The following CHN1 variants were observed in gnomAD, a reference collection of about 807,000 sequenced individuals.
The protein encoded by CHN1 is N-chimaerin.
In CHN1, 37 loss-of-function variants were observed where a neutral mutation model predicts 59.5. The ratio of observed to expected loss-of-function variants is 0.62; its 90% CI spans 0.48 to 0.82. The LOEUF is 0.82. Among genes scored for constraint, CHN1 ranks in the 40% least tolerant of loss-of-function variants. CHN1 has a pLI of 0.00. For synonymous variants in CHN1, 206 were observed against 200.4 expected (o/e 1.03, Z -0.24); for missense variants, 469 against 571.0 (o/e 0.82, Z 1.82).
At position 174,944,955 on chromosome 2, in the gene CHN1, T is replaced by C. The variant is rs757416366; in HGVS notation, c.59-12A>G. On this transcript the variant is annotated splice_polypyrimidine_tract_variant and intron_variant, in intron 2 of 12. Coordinates refer to ENST00000409900, the MANE Select transcript of CHN1 (RefSeq NM_001822.7). ...TTGTAGCTGATATACTGTGAGAAGG[T>C]AGAAACAAAAAGTGTCAATGTCCCT... is the stretch of plus-strand genomic sequence containing the variant. The C allele has an allele frequency of 9.6e-6, 15 of 1,560,744 alleles. No homozygotes were observed. Among genetic ancestry groups the C allele is most frequent in the Non-Finnish European group, 4.3e-6 (5 of 1,150,048 alleles).
intron 5 of CHN1, among the ~76,000 whole-genome samples, chr2:174,910,764 G>T (rs1688672722): frequency 6.6e-6 from 1 of 151,996 alleles, no homozygotes; most frequent in African/African-American, 2.4e-5. Flanking sequence ...GCCGGGCGCA[G>T]TGGCGGGCGC....
chr2:174,974,878 A>C (rs1690870604), intron 1 of CHN1, among the ~76,000 whole-genome samples: 1 of 146,912 alleles, frequency 6.8e-6, no homozygotes, highest in East Asian at 2.0e-4. Context: ...TTCTGCAAAC[A>C]GGCCATAAGA....
At chr2:174,829,998 C>T (rs559602088) in intron 7 of CHN1, among the ~76,000 whole-genome samples, 16 of 152,070 alleles carry the variant, frequency 1.1e-4, no homozygotes, top group African/African-American at 1.7e-4. Flanking sequence ...CTAATTTGGC[C>T]GGGCGCGGTG....
chr2:174,910,345 T>C (rs1044388696), intron 5 of CHN1, among the ~76,000 whole-genome samples: 1 of 152,174 alleles, frequency 6.6e-6, no homozygotes, highest in Non-Finnish European at 1.5e-5. Flanking sequence ...AGTTAATGCA[T>C]AACTTTAGTC....
chr2:174,837,548 GC>G, intron 7 of CHN1, among the ~76,000 whole-genome samples: 1 of 152,144 alleles, frequency 6.6e-6, no homozygotes. Context: ...TTCTATTTTT[GC>G]TCCCCAAAGA....
chr2:174,977,849 CACTAAAGTTGATATATA>C (rs1690997450), intron 1 of CHN1, among the ~76,000 whole-genome samples: 1 of 152,100 alleles, frequency 6.6e-6, no homozygotes, highest in Non-Finnish European at 1.5e-5. Context: ...AACATTAGTT[CACTAAAGTTGATATATA>C]ACCCCCCATT....
chr2:174,947,594 T>C (rs189800510), intron 2 of CHN1, among the ~76,000 whole-genome samples: 2 of 151,492 alleles, frequency 1.3e-5, no homozygotes, highest in East Asian at 3.9e-4. Context: ...AAGCAAGCCT[T>C]ATGCCGCAGA....
chr2:174,938,646 T>C (rs965393882), intron 3 of CHN1, among the ~76,000 whole-genome samples: 16 of 152,304 alleles, frequency 1.1e-4, no homozygotes, highest in African/African-American at 3.8e-4. Context: ...ATTTATTGTA[T>C]GCACACATAT....
chr2:174,954,981 T>A (rs1037144425), intron 1 of CHN1, among the ~76,000 whole-genome samples: 1 of 151,800 alleles, frequency 6.6e-6, no homozygotes. Context: ...AAAAAGACAC[T>A]TGCACACGCA....
chr2:174,926,980 G>A (rs941066041), intron 3 of CHN1, among the ~76,000 whole-genome samples: 4 of 151,902 alleles, frequency 2.6e-5, no homozygotes, highest in South Asian at 2.1e-4. Flanking sequence ...GGATAGTCTC[G>A]ATCTCCTGAC....
chr2:174,992,811 T>C (rs1691585388), intron 1 of CHN1, among the ~76,000 whole-genome samples: 1 of 152,114 alleles, frequency 6.6e-6, no homozygotes, highest in Non-Finnish European at 1.5e-5. Context: ...TCACTTTTTT[T>C]TTTTTTAAGA....
intron 6 of CHN1, among the ~76,000 whole-genome samples, chr2:174,877,069 T>C (rs558699555): frequency 7.8e-4 from 118 of 152,210 alleles, no homozygotes; most frequent in Non-Finnish European, 1.5e-3. Context: ...CCCAACTAAA[T>C]GTCACACACT....
At chr2:174,910,309 TGACA>T (rs1402411950) in intron 5 of CHN1, among the ~76,000 whole-genome samples, 1 of 152,172 alleles carries the variant, frequency 6.6e-6, no homozygotes, top group Non-Finnish European at 1.5e-5. Context: ...GAACCAACAT[TGACA>T]GACAGCCCAC....
chr2:174,834,889 CATT>C (rs962399926), intron 7 of CHN1, among the ~76,000 whole-genome samples: 1 of 152,164 alleles, frequency 6.6e-6, no homozygotes, highest in African/African-American at 2.4e-5. Flanking sequence ...ACTATAAACA[CATT>C]ATGAAGCTGA....
rs1368399113 is a variant in CHN1 at position 175,005,315 on chromosome 2, C to G, written c.-403G>C. ...GAGCAGCAGCAGCCTCGCACAGCCC[C>G]CGGCGGGGCGCGCTCACTCCGCATC... On this transcript the variant is annotated 5_prime_UTR_variant, in exon 1 of 13. Transcript: ENST00000409900. The G allele has an allele frequency of 2.5e-6, 3 of 1,186,686 alleles. No homozygotes were observed. The highest frequency in any genetic ancestry group is 3.4e-5 in the Admixed American group (1 of 29,132). 73.5% of individuals were successfully genotyped at this position (1,186,686 alleles called of 1,614,324 possible).
intron 5 of CHN1, among the ~76,000 whole-genome samples, chr2:174,890,115 T>C (rs968100924): frequency 2.6e-5 from 4 of 152,068 alleles, no homozygotes; most frequent in African/African-American, 4.8e-5. Flanking sequence ...AACTCTCCAG[T>C]TGAAAGATAG....
At chr2:174,998,057 C>T (rs911996198) in intron 1 of CHN1, among the ~76,000 whole-genome samples, 1 of 149,046 alleles carries the variant, frequency 6.7e-6, no homozygotes, top group Non-Finnish European at 1.5e-5. Flanking sequence ...AATCCCAGCA[C>T]TTTGGGGGGC....
intron 5 of CHN1, among the ~76,000 whole-genome samples, chr2:174,902,624 CACA>C (rs935056919): frequency 1.3e-5 from 2 of 152,106 alleles, no homozygotes; most frequent in East Asian, 1.9e-4. Context: ...TTCCAAATAG[CACA>C]ACAAGAAGGT....
At chr2:174,851,603 A>G (rs765454346) in intron 6 of CHN1, among the ~76,000 whole-genome samples, 18 of 152,192 alleles carry the variant, frequency 1.2e-4, no homozygotes, top group Non-Finnish European at 2.2e-4. Flanking sequence ...CTTGACACAG[A>G]TATCAATTCT....
Sources: allele counts gnomAD v4.1 joint callset (sites outside exome capture counted in the v4.1 genomes callset), GRCh38; gene constraint gnomAD v4.1.1; transcripts MANE v1.5; gene names NCBI Gene and HGNC (gene_info 2026-07-23, HGNC 2026-07-21).